RHBDF2: variants seen among roughly 807,000 people sequenced by gnomAD.
The protein encoded by RHBDF2 is rhomboid 5 homolog 2.
RHBDF2 carries 38 observed loss-of-function variants against 95.2 expected under a neutral mutation model. The observed-to-expected ratio is 0.40, with a 90% CI of 0.31 to 0.52. RHBDF2 has a LOEUF of 0.52. Among genes scored for constraint, RHBDF2 ranks in the 20% least tolerant of loss-of-function variants. RHBDF2 has a pLI of 0.56. For synonymous variants in RHBDF2, 442 were observed against 462.0 expected (o/e 0.96, Z 0.55); for missense variants, 863 against 1,137.7 (o/e 0.76, Z 3.47).
intron 1 of RHBDF2, among the ~76,000 whole-genome samples, chr17:76,491,302 C>A (rs1256486237): frequency 2.0e-5 from 3 of 152,200 alleles, no homozygotes; most frequent in Non-Finnish European, 2.9e-5. Context: ...CAAGGCCAGG[C>A]CATCCCAGCT....
chr17:76,486,903 T>C lies in RHBDF2; in HGVS notation c.-22+809A>G, dbSNP rs548733757. 2.3e-4 allele frequency among the ~76,000 whole-genome samples: 35 copies of C among 149,014 alleles called. 1 individual carries two copies. In the East Asian group the frequency reaches 5.1e-3, roughly 22 times the overall value. On this transcript the variant is annotated intron_variant, in intron 2 of 18. Transcript: ENST00000675367. ...CTCAGCCTCCTGGTTGCAGTTCAAG[T>C]GCCCTCCTGCCCCACCTTGAGCAGT... is the stretch of plus-strand genomic sequence containing the variant.
chr17:76,482,991 G>A (rs2074017312), intron 2 of RHBDF2, among the ~76,000 whole-genome samples: 1 of 152,044 alleles, frequency 6.6e-6, no homozygotes, highest in South Asian at 2.1e-4. Flanking sequence ...CCAACACAGT[G>A]AAACACCATC....
At chr17:76,481,665 C>A in intron 2 of RHBDF2, 120 bp from the exon 3 acceptor site, 2 of 931,866 alleles carry the variant, frequency 2.1e-6, no homozygotes, top group Non-Finnish European at 3.1e-6. Flanking sequence ...GTTCAAACAT[C>A]TCTGGGCGGC....
Position 76,471,265 on chromosome 17 carries a change from G to T in RHBDF2, c.*368C>A. 8.5e-6 allele frequency: 2 copies of T among 236,250 alleles called. No homozygotes were observed. Among genetic ancestry groups the T allele is most frequent in the Non-Finnish European group, 1.7e-5 (2 of 120,474 alleles). The allele number at this position is 236,250 out of a possible 1,614,324, so 14.6% of individuals were successfully genotyped here. On this transcript the variant is annotated 3_prime_UTR_variant, in exon 19 of 19. Coordinates refer to ENST00000675367, the MANE Select transcript of RHBDF2 (RefSeq NM_001005498.4). Reference sequence around the variant, plus strand: ...CCAGCAAGGGCACGCTCCAGTAGTAGTGGGGGAGAAGGCACCAGCAGAGGC... The same window carrying T: ...CCAGCAAGGGCACGCTCCAGTAGTATTGGGGGAGAAGGCACCAGCAGAGGC...
chr17:76,484,446 C>A (rs182784936), intron 2 of RHBDF2, among the ~76,000 whole-genome samples: 42 of 151,988 alleles, frequency 2.8e-4, no homozygotes, highest in African/African-American at 9.4e-4. Context: ...CACGGGTCGG[C>A]GAGACAGCAG....
intron 6 of RHBDF2, 116 bp from the exon 7 acceptor site, chr17:76,477,901 G>A (rs1230826869): frequency 6.9e-7 from 1 of 1,455,394 alleles, no homozygotes; most frequent in South Asian, 1.3e-5. Flanking sequence ...CTTGGGAGGA[G>A]GGATCCTGCC....
chr17:76,481,538 C>A lies in RHBDF2; in HGVS notation c.-14G>T. The A allele has an allele frequency of 6.2e-7, 1 of 1,603,214 alleles. No individual in the cohort carries two copies. The highest frequency in any genetic ancestry group is 8.5e-7 in the Non-Finnish European group (1 of 1,177,912). ...AGCAGAGGCCATTGTGGGCAGGAGG[C>A]GGGAGGGCTGGAATGGAGACCGGGA... On this transcript the variant is annotated 5_prime_UTR_variant, in exon 3 of 19. Coordinates refer to ENST00000675367, the MANE Select transcript of RHBDF2 (RefSeq NM_001005498.4).
Position 76,476,885 on chromosome 17 carries a change from G to A in RHBDF2, c.1060C>T (p.Arg354Cys), listed in dbSNP as rs765560676. 7 of 1,612,588 alleles carry A rather than the reference G, an allele frequency of 4.3e-6. No individual in the cohort carries two copies. The highest frequency in any genetic ancestry group is 1.1e-5 in the South Asian group (1 of 91,058). ...VVGNWLNRSYRRSISSTVQRQ... is the reference protein window; with the variant it reads ...VVGNWLNRSYCRSISSTVQRQ... ...TGCACAGTGCTGCTGATGCTGCGGC[G>A]GTAGCTGCGGTTCAGCCAGTTGCCC... Residue 354 changes from arginine (R) to cysteine (C), a missense_variant, in exon 9 of 19, where the codon CGC (arginine) becomes TGC (cysteine). By Grantham distance (180) the Arg-to-Cys change is radical. Coordinates refer to ENST00000675367, the MANE Select transcript of RHBDF2 (RefSeq NM_001005498.4).
In RHBDF2 at chr17:76,473,878, G is replaced by A. The variant is rs145102618; in HGVS notation, c.1599C>T (p.Ser533=). The A allele has an allele frequency of 3.9e-4, 624 of 1,613,990 alleles. No individual in the cohort carries two copies. In the African/African-American group the frequency reaches 5.1e-3, roughly 13 times the overall value. ...DPRTCEEPAS[S]GAHIWPDDIT... is the part of the protein sequence containing the mutation. Reference sequence around the variant, plus strand: ...TGTCATCGGGCCAGATGTGGGCACCGCTGGAGGCTGGCTCCTCGCAGGTCC... The same window carrying A: ...TGTCATCGGGCCAGATGTGGGCACCACTGGAGGCTGGCTCCTCGCAGGTCC... The change falls in exon 14 of 19, where the codon AGC becomes AGT. Residue 533 remains serine, a synonymous_variant. Coordinates refer to ENST00000675367, the MANE Select transcript of RHBDF2 (RefSeq NM_001005498.4).
At position 76,477,699 on chromosome 17, in the gene RHBDF2, C is replaced by G. The variant is rs367852373; in HGVS notation, c.759G>C (p.Val253=). 1.2e-6 allele frequency: 2 copies of G among 1,614,028 alleles called. No individual in the cohort carries two copies. Among genetic ancestry groups the G allele is most frequent in the Non-Finnish European group, 1.7e-6 (2 of 1,180,026 alleles). The change falls in exon 7 of 19, where the codon GTG becomes GTC. Residue 253 remains valine, a synonymous_variant. Coordinates refer to ENST00000675367, the MANE Select transcript of RHBDF2 (RefSeq NM_001005498.4). ...FAFPSFLEED[V]VDGADTFDSS... ...AGTCAAACGTGTCTGCCCCATCGACCACATCCTCCTCCAGGAAGCTCGGGA... is the reference window on the plus strand; with the variant it reads ...AGTCAAACGTGTCTGCCCCATCGACGACATCCTCCTCCAGGAAGCTCGGGA...
intron 1 of RHBDF2, among the ~76,000 whole-genome samples, chr17:76,494,489 C>T (rs759403467): frequency 1.3e-5 from 2 of 152,214 alleles, no homozygotes; most frequent in African/African-American, 2.4e-5. Flanking sequence ...CAGTGGCTCA[C>T]ACCTGTAATC....
rs2073816544 is a variant in RHBDF2 at position 76,477,655 on chromosome 17, G to A, written c.801+2C>T. 1 of 1,613,924 alleles carries A rather than the reference G, an allele frequency of 6.2e-7. No homozygotes were observed. Among genetic ancestry groups the A allele is most frequent in the East Asian group, 2.2e-5 (1 of 44,870 alleles). ...TCCTGCTGTCCCACACCCCATGCTT[G>A]CCTTACTAAAAAAGGAGGAGTCAAA... On this transcript the variant is annotated splice_donor_variant, in intron 7 of 18. Coordinates refer to ENST00000675367, the MANE Select transcript of RHBDF2 (RefSeq NM_001005498.4). LOFTEE classifies it low-confidence loss of function (GC_TO_GT_DONOR).
chr17:76,491,545 G>T lies in RHBDF2; in HGVS notation c.-219-3636C>A, dbSNP rs541117267. ...TGGCATCGGGAGTGCCATCTGAACC[G>T]CAGAGCACAAGAGGCCTGGGCAGCG... On this transcript the variant is annotated intron_variant, in intron 1 of 18. Coordinates refer to ENST00000675367, the MANE Select transcript of RHBDF2 (RefSeq NM_001005498.4). 2.0e-5 allele frequency among the ~76,000 whole-genome samples: 3 copies of T among 152,336 alleles called. No homozygotes were observed. In the East Asian group the frequency reaches 5.8e-4, roughly 29 times the overall value.
At chr17:76,480,043 T>TGTGTTTGTATA (rs1491080282) in intron 3 of RHBDF2, 189 bp from the exon 4 acceptor site, 1 of 125,494 alleles carries the variant, frequency 8.0e-6, no homozygotes, top group Non-Finnish European at 1.5e-5. Flanking sequence ...GTGTGTGTGT[T>TGTGTTTGTATA]TGTATATGTA....
At chr17:76,482,256 G>A (rs913655418) in intron 2 of RHBDF2, among the ~76,000 whole-genome samples, 17 of 152,298 alleles carry the variant, frequency 1.1e-4, no homozygotes, top group African/African-American at 2.4e-4. Flanking sequence ...CACTTGGGGA[G>A]GCCGAGGTGG....
rs2073797499 is a variant in RHBDF2, at chr17:76,477,119, G to A, written c.920+61C>T. 20 of 1,610,438 alleles carry A rather than the reference G, an allele frequency of 1.2e-5. 1 individual carries two copies. The South Asian group carries it at 2.1e-4, about 17-fold the overall frequency. On this transcript the variant is annotated intron_variant, in intron 8 of 18. Transcript: ENST00000675367. The stretch of plus-strand genomic sequence containing the variant: ...GAAGGGGCTTGGGGGCCAGGGTGAG[G>A]TCTGGGGATGCCCCCAGGCTGGTGG...
chr17:76,485,485 G>A (rs927036404), intron 2 of RHBDF2, among the ~76,000 whole-genome samples: 7 of 151,592 alleles, frequency 4.6e-5, no homozygotes, highest in Non-Finnish European at 8.8e-5. Flanking sequence ...GGGAGACTGA[G>A]GCAGGAGAAT....
At position 76,479,015 on chromosome 17, in the gene RHBDF2, A is replaced by C; in HGVS notation, c.469-6T>G. The C allele has an allele frequency of 6.2e-7, 1 of 1,604,890 alleles. No individual in the cohort carries two copies. The highest frequency in any genetic ancestry group is 8.5e-7 in the Non-Finnish European group (1 of 1,174,370). ...CGGGCCAGCGGATCCACAATCTGGAAGGGAGGGGGGCGGTAAGCAGAGCCA... is the reference window on the plus strand; with the variant it reads ...CGGGCCAGCGGATCCACAATCTGGACGGGAGGGGGGCGGTAAGCAGAGCCA... On this transcript the variant is annotated splice_polypyrimidine_tract_variant and splice_region_variant and intron_variant, in intron 5 of 18. Transcript: ENST00000675367.
intron 2 of RHBDF2, 68 bp from the exon 3 acceptor site, chr17:76,481,613 A>G (rs2073968432): frequency 1.4e-6 from 2 of 1,397,136 alleles, no homozygotes; most frequent in African/African-American, 1.4e-5. Flanking sequence ...CCCTGACGCC[A>G]GGGCACGCAG....
Sources: allele counts gnomAD v4.1 joint callset (sites outside exome capture counted in the v4.1 genomes callset), GRCh38; gene constraint gnomAD v4.1.1; transcripts MANE v1.5; gene names NCBI Gene and HGNC (gene_info 2026-07-23, HGNC 2026-07-21).